OSBPL5: variants seen among roughly 807,000 people sequenced by gnomAD.
OSBPL5 encodes the protein oxysterol binding protein like 5, also known as oxysterol-binding protein-related protein 5.
Under a neutral mutation model 111.2 loss-of-function variants are expected in OSBPL5, and 71 were observed. The ratio of observed to expected loss-of-function variants is 0.64; its 90% CI spans 0.53 to 0.78. The LOEUF (loss-of-function observed/expected upper bound fraction) is 0.78. OSBPL5 is among the 30% of genes least tolerant of loss of function. The pLI, the probability that OSBPL5 is intolerant of heterozygous loss-of-function variation, is 0.00. For missense variants in OSBPL5, 1,210 were observed against 1,189.3 expected, an observed-to-expected ratio of 1.02 and a Z score of -0.26; for synonymous variants, 549 against 513.9, an observed-to-expected ratio of 1.07 and a Z score of -0.93.
intron 1 of OSBPL5, among the ~76,000 whole-genome samples, chr11:3,160,560 A>C (rs1464120675): frequency 6.6e-6 from 1 of 152,238 alleles, no homozygotes; most frequent in Non-Finnish European, 1.5e-5. Flanking sequence ...ATAGCTGATC[A>C]GGAGAAATCC....
In OSBPL5 at chr11:3,103,727, C is replaced by T. The variant is rs984104962; in HGVS notation, c.1245-407G>A. Among the ~76,000 whole-genome samples the T allele has an allele frequency of 6.5e-3, 522 of 80,424 alleles. 62 individuals are homozygous for T. Among genetic ancestry groups the T allele is most frequent in the Middle Eastern group, 0.014 (2 of 146 alleles). 52.8% of individuals were successfully genotyped at this position (80,424 alleles called of 152,430 possible). ...GCGTACCCCCTTCCAGGCTCTGCTG[C>T]CCCTTCCTGCCTCTGCAACCCTCTT... On this transcript the variant is annotated intron_variant, in intron 10 of 21. Coordinates refer to ENST00000263650, the MANE Select transcript of OSBPL5 (RefSeq NM_020896.4).
chr11:3,113,312 G>T lies in OSBPL5; in HGVS notation c.692-5367C>A, dbSNP rs1858074866. Among the ~76,000 whole-genome samples the T allele has an allele frequency of 3.3e-5, 5 of 152,042 alleles. No homozygotes were observed. Among genetic ancestry groups the T allele is most frequent in the Admixed American group, 2.6e-4 (4 of 15,266 alleles). On this transcript the variant is annotated intron_variant, in intron 7 of 21. Coordinates refer to ENST00000263650, the MANE Select transcript of OSBPL5 (RefSeq NM_020896.4). This position sits in a 1 kb window ranked among gnomAD's most constrained non-coding sequence, Gnocchi z 4.8. Reference sequence around the variant, plus strand: ...ACTTATCCCTGCCAAATACCATGAGGTGTCAAAATTTGGCATAGGAGTTAC... The same window carrying T: ...ACTTATCCCTGCCAAATACCATGAGTTGTCAAAATTTGGCATAGGAGTTAC...
rs1438397789 is a variant in OSBPL5, at chr11:3,088,089, C to T, written c.*116G>A. 1.9e-6 allele frequency: 2 copies of T among 1,055,224 alleles called. No individual in the cohort carries two copies. Among genetic ancestry groups the T allele is most frequent in the Non-Finnish European group, 2.6e-6 (2 of 771,158 alleles). 65.4% of individuals were successfully genotyped at this position (1,055,224 alleles called of 1,614,324 possible). On this transcript the variant is annotated 3_prime_UTR_variant, in exon 22 of 22. Transcript: ENST00000263650. ...CCCGGGTCCCTCCTGCGCCTGGACT[C>T]CCCGTCACAGTGGCTGTGCTTGCCG...
intron 3 of OSBPL5, among the ~76,000 whole-genome samples, chr11:3,124,062 G>A (rs1054493011): frequency 6.6e-6 from 1 of 152,158 alleles, no homozygotes; most frequent in Non-Finnish European, 1.5e-5. Context: ...TGAGCGCTGC[G>A]GTTCTGCGTT....
rs1179093812 is a variant in OSBPL5 at position 3,109,752 on chromosome 11, G to A, written c.692-1807C>T. ...CAGTGGATGGTGGTGGGGAGCTGGA[G>A]GGGTCACAACTGCCGAGTTGGCCCC... is the stretch of plus-strand genomic sequence containing the variant. On this transcript the variant is annotated intron_variant, in intron 7 of 21. Transcript: ENST00000263650. This position sits in a 1 kb window ranked among gnomAD's most constrained non-coding sequence, Gnocchi z 7.4. Among the ~76,000 whole-genome samples the A allele has an allele frequency of 1.3e-5, 2 of 152,274 alleles. No homozygotes were observed. Among genetic ancestry groups the A allele is most frequent in the East Asian group, 1.9e-4 (1 of 5,168 alleles).
At chr11:3,103,885 C>CCCCTT (rs1564830898) in intron 10 of OSBPL5, among the ~76,000 whole-genome samples, 1 of 49,930 alleles carries the variant, frequency 2.0e-5, no homozygotes, top group South Asian at 6.8e-4. Context: ...CCTCTGTAGC[C>CCCCTT]CCATTCCTGC....
Position 3,154,147 on chromosome 11 carries a change from T to C in OSBPL5, c.-22+11069A>G, listed in dbSNP as rs751995558. 1.2e-4 allele frequency among the ~76,000 whole-genome samples: 18 copies of C among 152,238 alleles called. No individual in the cohort carries two copies. The highest frequency in any genetic ancestry group is 2.1e-4 in the Non-Finnish European group (14 of 68,038). On this transcript the variant is annotated intron_variant, in intron 1 of 21. Coordinates refer to ENST00000263650, the MANE Select transcript of OSBPL5 (RefSeq NM_020896.4). The surrounding 1 kb of genome is among the most constrained non-coding windows in gnomAD (Gnocchi z 4.9). The stretch of plus-strand genomic sequence containing the variant: ...CCCCGTGTGGTGTCCAGAGAGCTGC[T>C]GTAGGAGGTGTTTGCTAGACTGGGC...
Position 3,104,065 on chromosome 11 carries a change from C to G in OSBPL5, c.1244+128G>C, listed in dbSNP as rs1857611777. The G allele has an allele frequency of 8.5e-7, 1 of 1,179,158 alleles. No individual in the cohort carries two copies. Among genetic ancestry groups the G allele is most frequent in the African/African-American group, 1.5e-5 (1 of 64,918 alleles). 73.0% of individuals were successfully genotyped at this position (1,179,158 alleles called of 1,614,324 possible). On this transcript the variant is annotated intron_variant, in intron 10 of 21. Coordinates refer to ENST00000263650, the MANE Select transcript of OSBPL5 (RefSeq NM_020896.4). The surrounding 1 kb of genome is among the most constrained non-coding windows in gnomAD (Gnocchi z 5.0). The stretch of plus-strand genomic sequence containing the variant: ...CCCTGGGAGGCTACAGCTGCAGAAA[C>G]AGTGGGCTGAGATCAGCCATGGGAT...
intron 7 of OSBPL5, among the ~76,000 whole-genome samples, chr11:3,112,965 AT>A (rs1208312005): frequency 6.6e-5 from 10 of 152,192 alleles, no homozygotes; most frequent in Admixed American, 1.3e-4. Flanking sequence ...GGAAAAAAAA[AT>A]TTTTATAAAC....
rs533734258 is a variant in OSBPL5 at position 3,099,796 on chromosome 11, C to T, written c.1621+362G>A. 3.8e-4 allele frequency among the ~76,000 whole-genome samples: 58 copies of T among 152,174 alleles called. 1 individual carries two copies. The highest frequency in any genetic ancestry group is 2.5e-3 in the South Asian group (12 of 4,816). ...CAAAAGTCATGGGCGAGGCTGGGCG[C>T]GGTGGCTCATGCCTGTAATCCCAGC... On this transcript the variant is annotated intron_variant, in intron 14 of 21. Coordinates refer to ENST00000263650, the MANE Select transcript of OSBPL5 (RefSeq NM_020896.4).
chr11:3,163,559 TA>T (rs1455245790), intron 1 of OSBPL5, among the ~76,000 whole-genome samples: 1 of 152,208 alleles, frequency 6.6e-6, no homozygotes, highest in Non-Finnish European at 1.5e-5. Flanking sequence ...TGGTATTCTG[TA>T]AAGAGCTGAA....
At chr11:3,114,322 A>G (rs1033178169) in intron 7 of OSBPL5, among the ~76,000 whole-genome samples, 11 of 152,170 alleles carry the variant, frequency 7.2e-5, no homozygotes, top group Non-Finnish European at 1.3e-4. Flanking sequence ...AAAGAGAAAT[A>G]ATTTCATATG....
intron 1 of OSBPL5, among the ~76,000 whole-genome samples, chr11:3,163,612 G>A (rs1257315750): frequency 1.3e-5 from 2 of 152,206 alleles, no homozygotes; most frequent in Admixed American, 6.5e-5. Context: ...GGCCCAATCT[G>A]GACCCAGAAA....
intron 17 of OSBPL5, among the ~76,000 whole-genome samples, 162 bp from the exon 18 acceptor site, chr11:3,093,214 T>G (rs1200681151): frequency 3.3e-5 from 5 of 152,192 alleles, no homozygotes. Context: ...GCTTTTCTTT[T>G]GTCCATGAGA....
intron 1 of OSBPL5, among the ~76,000 whole-genome samples, chr11:3,132,120 C>T (rs1181440705): frequency 6.6e-6 from 1 of 151,864 alleles, no homozygotes; most frequent in African/African-American, 2.4e-5. Context: ...TGCCTGATTC[C>T]ACCTTCCTTC....
intron 7 of OSBPL5, among the ~76,000 whole-genome samples, chr11:3,116,854 CAAAAA>C (rs371907970): frequency 1.3e-5 from 1 of 75,478 alleles, no homozygotes. Flanking sequence ...GACTCCATCA[CAAAAA>C]AAAAAAAAAA....
chr11:3,125,666 G>A (rs921601869), intron 3 of OSBPL5, among the ~76,000 whole-genome samples: 20 of 152,222 alleles, frequency 1.3e-4, no homozygotes, highest in Admixed American at 9.8e-4. Context: ...TTGGCCGGGC[G>A]TGGTGGCGGG....
rs371795866 is a variant in OSBPL5, at chr11:3,088,318, T to C, written c.2527A>G (p.Thr843Ala). ...GTCGGTGCCTGTGCTGCCCGTGCCG[T>C]GGAGCTCAGCATGGCCGAGAGGTGC... The part of the protein sequence containing the change: ...HRHLSAMLSS[T>A]ARAAQAPTPG... The change falls in exon 22 of 22, where the codon ACG becomes GCG. Residue 843 changes from threonine to alanine, a missense_variant. Transcript: ENST00000263650. 159 of 1,596,344 alleles carry C rather than the reference T, an allele frequency of 1.0e-4. No homozygotes were observed. Among genetic ancestry groups the C allele is most frequent in the Non-Finnish European group, 1.2e-4 (145 of 1,172,970 alleles).
In OSBPL5 at chr11:3,113,142, C is replaced by T. The variant is rs1043016662; in HGVS notation, c.692-5197G>A. 9.2e-5 allele frequency among the ~76,000 whole-genome samples: 14 copies of T among 152,128 alleles called. No homozygotes were observed. Among genetic ancestry groups the T allele is most frequent in the Non-Finnish European group, 1.9e-4 (13 of 68,022 alleles). ...GATCAGGAAAAAAGAAAAGACAAGT[C>T]AAATGCTTTTTCAAGTTTATGTAAC... On this transcript the variant is annotated intron_variant, in intron 7 of 21. Coordinates refer to ENST00000263650, the MANE Select transcript of OSBPL5 (RefSeq NM_020896.4). The surrounding 1 kb of genome is among the most constrained non-coding windows in gnomAD (Gnocchi z 4.8).
Sources: gnomAD v4.1 joint callset for allele counts (sites outside exome capture counted in the v4.1 genomes callset) on GRCh38, gnomAD v4.1.1 for gene constraint, Gnocchi (gnomAD v3.1) non-coding constraint, MANE v1.5 for transcripts, NCBI Gene and HGNC (gene_info 2026-07-23, HGNC 2026-07-21) for gene names.